Variants in PCSK2 observed in about 807,000 individuals in gnomAD.
PCSK2 encodes neuroendocrine convertase 2.
Under a neutral mutation model 69.7 loss-of-function variants are expected in PCSK2, and 14 were observed. The ratio of observed to expected loss-of-function variants is 0.20; its 90% confidence interval spans 0.13 to 0.31. The LOEUF (loss-of-function observed/expected upper bound fraction) is 0.31. Among genes scored for constraint, PCSK2 ranks in the 10% least tolerant of loss-of-function variants. The pLI is 1.00. For synonymous variants in PCSK2, 307 were observed against 320.7 expected, an observed-to-expected ratio of 0.96 and a Z score of 0.46; for missense variants, 544 against 842.5, an observed-to-expected ratio of 0.65 and a Z score of 4.39.
chr20:17,397,854 C>T (rs1438297832), intron 5 of PCSK2, among the ~76,000 whole-genome samples: 1 of 152,172 alleles, frequency 6.6e-6, no homozygotes, highest in Non-Finnish European at 1.5e-5. Context: ...TTAGACCTCT[C>T]CTTCAGAACC....
chr20:17,411,496 T>TA (rs201526720), intron 6 of PCSK2, among the ~76,000 whole-genome samples: 5,913 of 151,236 alleles, frequency 0.039, 394 homozygotes, highest in African/African-American at 0.13. Flanking sequence ...CTTGAGTAGG[T>TA]AAAAAAAAGC....
chr20:17,429,134 G>A (rs1161741234), intron 6 of PCSK2, among the ~76,000 whole-genome samples: 1 of 150,584 alleles, frequency 6.6e-6, no homozygotes, highest in Non-Finnish European at 1.5e-5. Context: ...GTTTGGGTCT[G>A]AAAACACAGC....
chr20:17,303,865 C>G (rs140611723), intron 2 of PCSK2, among the ~76,000 whole-genome samples: 1 of 141,734 alleles, frequency 7.1e-6, no homozygotes, highest in Non-Finnish European at 1.5e-5. Flanking sequence ...CAGGTGTGAA[C>G]GACCGTGCCT....
chr20:17,413,583 G>A (rs1600560386), intron 6 of PCSK2, among the ~76,000 whole-genome samples: 2 of 152,052 alleles, frequency 1.3e-5, no homozygotes, highest in Non-Finnish European at 2.9e-5. Context: ...CAATAATAAG[G>A]GGAGACTTTA....
At chr20:17,361,203 T>C (rs1222269316) in intron 4 of PCSK2, among the ~76,000 whole-genome samples, 1 of 152,194 alleles carries the variant, frequency 6.6e-6, no homozygotes, top group Non-Finnish European at 1.5e-5. Flanking sequence ...AAAACAGCTT[T>C]TCAGTAACAG....
chr20:17,237,248 A>C (rs375233760), intron 1 of PCSK2, among the ~76,000 whole-genome samples: 1 of 152,334 alleles, frequency 6.6e-6, no homozygotes, highest in African/African-American at 2.4e-5. Flanking sequence ...GCACTTCCAG[A>C]TAATGATGAA....
chr20:17,236,383 G>A (rs1394261999), intron 1 of PCSK2, among the ~76,000 whole-genome samples: 3 of 151,972 alleles, frequency 2.0e-5, no homozygotes, highest in Admixed American at 6.5e-5. Flanking sequence ...ATACATACAT[G>A]GTAGATAGGT....
chr20:17,390,226 A>G (rs1401839231), intron 5 of PCSK2, among the ~76,000 whole-genome samples: 2 of 152,236 alleles, frequency 1.3e-5, no homozygotes, highest in East Asian at 1.9e-4. Context: ...GATAGAGATC[A>G]GAACAGTGGT....
rs779270231 is a variant in PCSK2 at position 17,369,288 on chromosome 20, G to T, written c.543+11G>T. Reference sequence around the variant, plus strand: ...CTGGCCTCCAACTATGTAAGTACAAGCCAACTTTGGTGGGGAAACAGATGC... The same window carrying T: ...CTGGCCTCCAACTATGTAAGTACAATCCAACTTTGGTGGGGAAACAGATGC... On this transcript the variant is annotated intron_variant, in intron 5 of 11. Transcript: ENST00000262545. 2.5e-6 allele frequency: 4 copies of T among 1,612,216 alleles called. No homozygotes were observed. The South Asian group carries it at 4.4e-5, about 18-fold the overall frequency.
chr20:17,249,717 T>G (rs961486155), intron 1 of PCSK2, among the ~76,000 whole-genome samples: 16 of 152,260 alleles, frequency 1.1e-4, no homozygotes, highest in Admixed American at 9.8e-4. Flanking sequence ...TTGAAGACAT[T>G]GTGCTTAAGT....
intron 7 of PCSK2, among the ~76,000 whole-genome samples, chr20:17,435,872 A>T (rs969986915): frequency 6.6e-6 from 1 of 152,200 alleles, no homozygotes; most frequent in Admixed American, 6.5e-5. Flanking sequence ...ATCCCCCTGG[A>T]GAGGCCTTTG....
chr20:17,447,280 A>AAAAG (rs1318863971), intron 8 of PCSK2, among the ~76,000 whole-genome samples: 29 of 151,702 alleles, frequency 1.9e-4, no homozygotes, highest in African/African-American at 7.0e-4. Context: ...CAAAAAAAAA[A>AAAAG]AAAAATCTAT....
intron 2 of PCSK2, among the ~76,000 whole-genome samples, chr20:17,308,842 G>T (rs6080633): frequency 6.6e-6 from 1 of 151,774 alleles, no homozygotes; most frequent in Non-Finnish European, 1.5e-5. Context: ...AGGCTAGCCC[G>T]GCTTGGTGAC....
chr20:17,419,640 G>A (rs2032079014), intron 6 of PCSK2, among the ~76,000 whole-genome samples: 1 of 152,172 alleles, frequency 6.6e-6, no homozygotes, highest in Non-Finnish European at 1.5e-5. Context: ...ACCATGCCAA[G>A]ATGTTGAGTG....
At chr20:17,442,466 C>T (rs6131952) in intron 8 of PCSK2, among the ~76,000 whole-genome samples, 88,471 of 151,852 alleles carry the variant, frequency 0.58, 25,969 homozygotes, top group South Asian at 0.69. Context: ...TTTGGCAGTG[C>T]GGGAATGACC....
intron 2 of PCSK2, among the ~76,000 whole-genome samples, chr20:17,331,146 G>A (rs1160821212): frequency 2.0e-5 from 3 of 152,092 alleles, no homozygotes; most frequent in South Asian, 2.1e-4. Flanking sequence ...TAAAGGTAGC[G>A]CTCCTGACTC....
intron 1 of PCSK2, among the ~76,000 whole-genome samples, chr20:17,240,053 C>T (rs967766077): frequency 6.6e-6 from 1 of 151,676 alleles, no homozygotes; most frequent in Non-Finnish European, 1.5e-5. Flanking sequence ...GGGGTTTTAC[C>T]ATGTTGGCCA....
rs147240990 is a variant in PCSK2, at chr20:17,390,755, T to C, written c.544-18508T>C. Among the ~76,000 whole-genome samples the C allele has an allele frequency of 2.0e-5, 3 of 152,300 alleles. No homozygotes were observed. The East Asian group carries it at 5.8e-4, about 29-fold the overall frequency. ...CTCATCATCAAAAAGATTCAAACAT[T>C]ACAGAAGTGTAGATAAAATAAAAAC... On this transcript the variant is annotated intron_variant, in intron 5 of 11. Coordinates refer to ENST00000262545, the MANE Select transcript of PCSK2 (RefSeq NM_002594.5).
rs1985961804 is a variant in PCSK2 at position 17,227,364 on chromosome 20, T to C, written c.59T>C (p.Met20Thr). The C allele has an allele frequency of 1.2e-6, 2 of 1,613,948 alleles. No homozygotes were observed. Among genetic ancestry groups the C allele is most frequent in the East Asian group, 2.2e-5 (1 of 44,860 alleles). The change falls in exon 1 of 12, where the codon ATG becomes ACG. Residue 20 changes from methionine to threonine, a missense_variant. This residue lies in a region of PCSK2 where 157 missense variants were observed against 155.0 expected (regional missense o/e 1.01). Transcript: ENST00000262545. ...GCCGCCGGGTTCCTCTTCTGTGTCATGGTTTTTGCATCTGCTGAGCGACCG... is the reference window on the plus strand; with the variant it reads ...GCCGCCGGGTTCCTCTTCTGTGTCACGGTTTTTGCATCTGCTGAGCGACCG... ...KAAAGFLFCV[M>T]VFASAERPVF...
Sources: allele counts gnomAD v4.1 joint callset (sites outside exome capture counted in the v4.1 genomes callset), GRCh38; gene constraint gnomAD v4.1.1; regional missense constraint gnomAD v4.1.1; transcripts MANE v1.5; gene names NCBI Gene and HGNC (gene_info 2026-07-23, HGNC 2026-07-21).